The following POLA1 variants were observed in gnomAD, a reference collection of about 807,000 sequenced individuals.
POLA1 encodes the protein DNA polymerase alpha catalytic subunit.
A neutral mutation model predicts 124.0 loss-of-function variants in POLA1; 15 were observed. That is an observed-to-expected ratio of 0.12 (90% CI 0.08 to 0.19). The LOEUF is 0.19. POLA1 is among the 10% of genes least tolerant of loss of function. POLA1 has a pLI of 1.00. For synonymous variants in POLA1, 408 were observed against 389.4 expected, an observed-to-expected ratio of 1.05 and a Z score of -0.56; for missense variants, 886 against 1,103.4, an observed-to-expected ratio of 0.80 and a Z score of 2.79.
rs773181828 is a variant in POLA1 at position 24,936,021 on chromosome X, C to G, written c.4261+5472C>G. Among the ~76,000 whole-genome samples the G allele has an allele frequency of 2.7e-5, 3 of 112,493 alleles. No homozygotes were observed. The South Asian group carries it at 1.1e-3, about 41-fold the overall frequency. On this transcript the variant is annotated intron_variant, in intron 36 of 36. Transcript: ENST00000379068. The stretch of plus-strand genomic sequence containing the variant: ...ATTGAACTGAAAGAATATCCAGTCA[C>G]TTAACTAATGAGCAAGCCAAGCCTA...
intron 34 of POLA1, among the ~76,000 whole-genome samples, chrX:24,871,142 G>A (rs779139324): frequency 1.3e-4 from 14 of 111,852 alleles, no homozygotes; most frequent in Non-Finnish European, 2.3e-4. Flanking sequence ...GCCTCAACCT[G>A]GCTTCTATAT....
intron 35 of POLA1, among the ~76,000 whole-genome samples, chrX:24,890,864 A>G (rs751225426): frequency 8.9e-6 from 1 of 112,597 alleles, no homozygotes; most frequent in South Asian, 3.7e-4. Context: ...GAGAGAGAAC[A>G]AAAGTGTATG....
At chrX:24,741,113 TTTTG>T (rs1278166544) in intron 20 of POLA1, among the ~76,000 whole-genome samples, 6 of 77,741 alleles carry the variant, frequency 7.7e-5, no homozygotes, top group Admixed American at 7.2e-4. Context: ...CCTTATGGGA[TTTTG>T]TGTGTGTGTG....
rs1456512759 is a variant in POLA1, at chrX:24,745,508, A to G, written c.2657A>G (p.Gln886Arg). The G allele has an allele frequency of 2.6e-6, 3 of 1,166,076 alleles. No individual in the cohort carries two copies. Among genetic ancestry groups the G allele is most frequent in the Admixed American group, 2.2e-5 (1 of 45,258 alleles). Residue 886 changes from glutamine (Q) to arginine (R), a missense_variant, in exon 24 of 37, where the codon CAA (glutamine) becomes CGA (arginine). Gln to Arg is a conservative substitution (Grantham distance 43). Around this residue, in one of 7 missense-constraint regions of POLA1, gnomAD observed 182 missense variants for 252.8 expected, o/e 0.72. Coordinates refer to ENST00000379068, the MANE Select transcript of POLA1 (RefSeq NM_001330360.2). The stretch of plus-strand genomic sequence containing the variant: ...TTTAACATTTGTTTTACAACAGTAC[A>G]AAGAGTTGCTTCAGAGGCACAGAAA... ...QEFNICFTTV[Q>R]RVASEAQKVT...
At chrX:24,942,963 C>G (rs755503092) in intron 36 of POLA1, among the ~76,000 whole-genome samples, 12 of 112,505 alleles carry the variant, frequency 1.1e-4, no homozygotes, top group Non-Finnish European at 2.1e-4. Context: ...TCCCAAAGTG[C>G]TGGGATTACA....
intron 15 of POLA1, among the ~76,000 whole-genome samples, chrX:24,730,448 G>A (rs1181366198): frequency 9.0e-6 from 1 of 110,955 alleles, no homozygotes; most frequent in Admixed American, 9.6e-5. Context: ...GTTTCCCCAT[G>A]TTGGCCAGGC....
At chrX:24,696,976 A>G (rs1249861222) in intron 1 of POLA1, among the ~76,000 whole-genome samples, 1 of 111,046 alleles carries the variant, frequency 9.0e-6, no homozygotes, top group African/African-American at 3.3e-5. Context: ...TCCTTTTTCT[A>G]GGCCTGTATT....
chrX:24,693,961 C>G lies in POLA1; in HGVS notation c.-1C>G, dbSNP rs1192915095. 8.4e-7 allele frequency: 1 copy of G among 1,194,354 alleles called. No individual in the cohort carries two copies. The highest frequency in any genetic ancestry group is 1.8e-5 in the South Asian group (1 of 54,528). On this transcript the variant is annotated 5_prime_UTR_variant, in exon 1 of 37. Transcript: ENST00000379068. ...GGCGCGGAATCGGGAGATTCGGGAC[C>G]ATGGCACCTGTGCACGGCGACGACT...
At chrX:24,866,909 G>T (rs976130274) in intron 34 of POLA1, among the ~76,000 whole-genome samples, 1 of 111,181 alleles carries the variant, frequency 9.0e-6, no homozygotes, top group East Asian at 2.8e-4. Flanking sequence ...TAGTAAAATA[G>T]ACTAGATAGG....
chrX:24,914,250 A>G (rs1469473010), intron 35 of POLA1, among the ~76,000 whole-genome samples: 1 of 110,213 alleles, frequency 9.1e-6, no homozygotes, highest in Non-Finnish European at 1.9e-5. Context: ...TTAAAGTAAG[A>G]TTTTTTTTAA....
chrX:24,814,974 T>TTTTA lies in POLA1; in HGVS notation c.3297-5_3297-4insTTTA. ...TTTGTTTTGTTTTTTTTTTTTTTTT[T>TTTTA]GCAGCTTTGTGATTGGCCAGATTCT... is the stretch of plus-strand genomic sequence containing the variant. On this transcript the variant is annotated splice_region_variant and splice_polypyrimidine_tract_variant and intron_variant, in intron 29 of 36. Transcript: ENST00000379068. The TTTTA allele has an allele frequency of 1.4e-5, 15 of 1,088,913 alleles. No individual in the cohort carries two copies. Among genetic ancestry groups the TTTTA allele is most frequent in the Admixed American group, 6.4e-5 (2 of 31,152 alleles). The allele number at this position is 1,088,913 out of a possible 1,213,427, so 89.7% of individuals were successfully genotyped here.
At position 24,727,869 on chromosome X, in the gene POLA1, C is replaced by T. The variant is rs757840766; in HGVS notation, c.1619C>T (p.Pro540Leu). ...GTGAATGTAATTAAGGATGTCAGTC[C>T]ACCACCGCTTGTCGTGATGGCTTTC... is the stretch of plus-strand genomic sequence containing the variant. ...DLVNVIKDVS[P>L]PPLVVMAFSM... is the part of the protein sequence containing the mutation. The change falls in exon 15 of 37, where the codon CCA becomes CTA. Residue 540 changes from proline (P) to leucine (L), a missense_variant. This residue lies in a region of POLA1 where 337 missense variants were observed against 402.8 expected (regional missense o/e 0.84). Transcript: ENST00000379068. 7.5e-6 allele frequency: 9 copies of T among 1,207,490 alleles called. No homozygotes were observed. The African/African-American group carries it at 1.0e-4, about 14-fold the overall frequency.
At chrX:24,858,261 A>G (rs758446081) in intron 34 of POLA1, among the ~76,000 whole-genome samples, 8 of 112,139 alleles carry the variant, frequency 7.1e-5, no homozygotes, top group Non-Finnish European at 1.1e-4. Context: ...TCTGTTGTGA[A>G]TATGATTGTA....
chrX:24,845,469 T>C (rs775334808), intron 34 of POLA1, among the ~76,000 whole-genome samples: 2 of 112,281 alleles, frequency 1.8e-5, no homozygotes, highest in South Asian at 7.4e-4. Context: ...TTCGTTCTTA[T>C]GGCCTCATGC....
chrX:24,917,060 T>C (rs2047543797), intron 35 of POLA1, among the ~76,000 whole-genome samples: 1 of 111,619 alleles, frequency 9.0e-6, no homozygotes, highest in Non-Finnish European at 1.9e-5. Context: ...TCCCAGCACT[T>C]TGGGAGGCTG....
intron 36 of POLA1, among the ~76,000 whole-genome samples, chrX:24,934,804 C>CCT (rs1194780728): frequency 8.9e-6 from 1 of 111,910 alleles, no homozygotes; most frequent in Admixed American, 9.4e-5. Context: ...CTCACTGCAA[C>CCT]CTCTGCCTCC....
chrX:24,814,459 A>G (rs188291657), intron 29 of POLA1, among the ~76,000 whole-genome samples: 77 of 112,144 alleles, frequency 6.9e-4, no homozygotes, highest in African/African-American at 2.4e-3. Flanking sequence ...GAAGGTGAAG[A>G]AAGAAAAGTT....
intron 26 of POLA1, among the ~76,000 whole-genome samples, chrX:24,787,949 C>G (rs1163389860): frequency 1.8e-5 from 2 of 111,686 alleles, no homozygotes; most frequent in African/African-American, 6.5e-5. Context: ...AACACAGATG[C>G]AAAAATCCCC....
intron 35 of POLA1, among the ~76,000 whole-genome samples, chrX:24,892,299 T>C (rs1229609258): frequency 9.0e-6 from 1 of 111,207 alleles, no homozygotes; most frequent in African/African-American, 3.3e-5. Flanking sequence ...CATGTTTAAG[T>C]TACTAAGTAA....
Sources: allele counts gnomAD v4.1 joint callset (sites outside exome capture counted in the v4.1 genomes callset), GRCh38; gene constraint gnomAD v4.1.1; regional missense constraint gnomAD v4.1.1; transcripts MANE v1.5; gene names NCBI Gene and HGNC (gene_info 2026-07-23, HGNC 2026-07-21).